AIMP1: variants seen among roughly 807,000 people sequenced by gnomAD.
The protein encoded by AIMP1 is aminoacyl tRNA synthase complex-interacting multifunctional protein 1.
In AIMP1, 24 loss-of-function variants were observed where a neutral mutation model predicts 33.1. The ratio of observed to expected loss-of-function variants is 0.73; its 90% CI spans 0.53 to 1.02. The LOEUF (loss-of-function observed/expected upper bound fraction) is 1.02, where lower values mean the gene tolerates loss of function less well. Ranked by LOEUF, AIMP1 falls within the 50% of genes least tolerant of loss-of-function variation. AIMP1 has a pLI of 0.00. For missense variants in AIMP1, 367 were observed against 364.8 expected, an observed-to-expected ratio of 1.01 and a Z score of -0.05; for synonymous variants, 120 against 121.5, an observed-to-expected ratio of 0.99 and a Z score of 0.08.
rs3109956 is a variant in AIMP1, at chr4:106,331,906, C to T, written c.603+23C>T. The T allele has an allele frequency of 0.029, 46,964 of 1,600,134 alleles. 3,643 individuals carry two copies. The highest frequency in any genetic ancestry group is 0.26 in the East Asian group (11,734 of 44,796). On this transcript the variant is annotated intron_variant, in intron 5 of 6. Transcript: ENST00000672341. ...CAGGTAATCTGTACAACTGAAATTCCTGTTGTGTACATACAACATTTTCAT... is the reference window on the plus strand; with the variant it reads ...CAGGTAATCTGTACAACTGAAATTCTTGTTGTGTACATACAACATTTTCAT...
intron 1 of AIMP1, among the ~76,000 whole-genome samples, chr4:106,318,422 T>G (rs953147365): frequency 6.6e-6 from 1 of 152,208 alleles, no homozygotes; most frequent in Non-Finnish European, 1.5e-5. Flanking sequence ...TTATGTATAC[T>G]ATAATATTTT....
intron 1 of AIMP1, chr4:106,321,478 C>G (rs1194035324): frequency 1.9e-5 from 3 of 155,590 alleles, no homozygotes; most frequent in Admixed American, 6.6e-5. Flanking sequence ...ACCGGCTGCC[C>G]GGTCTGAGAA....
upstream of AIMP1, chr4:106,316,490 C>G: frequency 6.6e-7 from 1 of 1,508,008 alleles, no homozygotes; most frequent in South Asian, 1.2e-5. Context: ...AGGCTTTCAG[C>G]AAGGACACCT....
intron 6 of AIMP1, among the ~76,000 whole-genome samples, chr4:106,343,700 C>G (rs916822563): frequency 1.6e-4 from 24 of 152,240 alleles, no homozygotes; most frequent in African/African-American, 5.5e-4. Flanking sequence ...ATGCTCACCA[C>G]TCTACTCCCA....
intron 1 of AIMP1, 93 bp downstream of exon 1, chr4:106,316,687 C>G: frequency 1.6e-6 from 2 of 1,249,336 alleles, no homozygotes; most frequent in Admixed American, 2.1e-5. Flanking sequence ...GAGAGAGGAC[C>G]TGGCCTGCGC....
At position 106,329,198 on chromosome 4, in the gene AIMP1, A is replaced by C. The variant is rs115440991; in HGVS notation, c.391+955A>C. Among the ~76,000 whole-genome samples, 1,287 of 152,332 alleles carry C rather than the reference A, an allele frequency of 8.4e-3. 6 individuals carry two copies. The highest frequency in any genetic ancestry group is 0.013 in the Non-Finnish European group (873 of 68,024). On this transcript the variant is annotated intron_variant, in intron 4 of 6. Transcript: ENST00000672341. ...AGGGGCTGTACAGCCTCTGCTATAC[A>C]ACTTCACCACTAGGTGGTATGATTA...
intron 6 of AIMP1, among the ~76,000 whole-genome samples, chr4:106,343,109 A>T (rs1000281122): frequency 6.6e-6 from 1 of 152,014 alleles, no homozygotes; most frequent in African/African-American, 2.4e-5. Context: ...GTTCAGTTTG[A>T]GAACTCGTTA....
At chr4:106,322,851 G>T (rs1317494943) in intron 1 of AIMP1, among the ~76,000 whole-genome samples, 1 of 151,986 alleles carries the variant, frequency 6.6e-6, no homozygotes, top group Non-Finnish European at 1.5e-5. Flanking sequence ...TAGTCAGGTG[G>T]CAGGCACCTG....
At position 106,330,850 on chromosome 4, in the gene AIMP1, G is replaced by T. The variant is rs1439863703; in HGVS notation, c.392-822G>T. On this transcript the variant is annotated intron_variant, in intron 4 of 6. Coordinates refer to ENST00000672341, the MANE Select transcript of AIMP1 (RefSeq NM_001142416.2). ...TTTATTTTGATTTTACTTTTTTGGGGCCAGAAAAGCTAATTGTAAACTTAA... is the reference window on the plus strand; with the variant it reads ...TTTATTTTGATTTTACTTTTTTGGGTCCAGAAAAGCTAATTGTAAACTTAA... 7.2e-5 allele frequency among the ~76,000 whole-genome samples: 11 copies of T among 151,984 alleles called. No homozygotes were observed. The East Asian group carries it at 2.1e-3, about 29-fold the overall frequency.
At chr4:106,329,248 C>G (rs775156358) in intron 4 of AIMP1, among the ~76,000 whole-genome samples, 39 of 152,302 alleles carry the variant, frequency 2.6e-4, no homozygotes, top group African/African-American at 7.9e-4. Context: ...CAGACTAACT[C>G]TTCTAGTTTA....
At chr4:106,337,149 A>C (rs1269741080) in intron 6 of AIMP1, 112 bp downstream of exon 6, 1 of 977,204 alleles carries the variant, frequency 1.0e-6, no homozygotes, top group African/African-American at 1.6e-5. Flanking sequence ...GTCTTACATT[A>C]ATGACCATTA....
chr4:106,321,132 A>G (rs1025238253), intron 1 of AIMP1: 22 of 174,830 alleles, frequency 1.3e-4, no homozygotes, highest in Non-Finnish European at 2.3e-4. Flanking sequence ...TTGGCCTCCC[A>G]AAGTGCCGAG....
chr4:106,348,040 A>C lies in AIMP1; in HGVS notation c.*348A>C, dbSNP rs1444193643. 1.6e-5 allele frequency: 3 copies of C among 185,766 alleles called. No homozygotes were observed. Among genetic ancestry groups the C allele is most frequent in the Non-Finnish European group, 3.4e-5 (3 of 88,808 alleles). 11.5% of individuals were successfully genotyped at this position (185,766 alleles called of 1,614,324 possible). The stretch of plus-strand genomic sequence containing the variant: ...TAGGCACAGGATGCATGAAATTTCA[A>C]GCTCTGGGATTTTTTGTATATTGTG... On this transcript the variant is annotated 3_prime_UTR_variant, in exon 7 of 7. Transcript: ENST00000672341.
rs3737495 is a variant in AIMP1 at position 106,337,071 on chromosome 4, G to A, written c.772+34G>A. On this transcript the variant is annotated intron_variant, in intron 6 of 6. Coordinates refer to ENST00000672341, the MANE Select transcript of AIMP1 (RefSeq NM_001142416.2). ...TTATTAGTAATTACTTAATAGTTTCGGAATCAGTTCTCAAAGTGATGTTTG... is the reference window on the plus strand; with the variant it reads ...TTATTAGTAATTACTTAATAGTTTCAGAATCAGTTCTCAAAGTGATGTTTG... 222,287 of 1,582,634 alleles carry A rather than the reference G, an allele frequency of 0.14. 16,466 individuals are homozygous for A. Among genetic ancestry groups the A allele is most frequent in the Non-Finnish European group, 0.15 (178,034 of 1,152,102 alleles).
At chr4:106,338,306 A>G (rs764806778) in intron 6 of AIMP1, among the ~76,000 whole-genome samples, 62 of 152,352 alleles carry the variant, frequency 4.1e-4, no homozygotes, top group Non-Finnish European at 6.6e-4. Flanking sequence ...GGCATTTCAA[A>G]GACCTTCACA....
At chr4:106,325,298 G>A (rs1769416885) in intron 2 of AIMP1, among the ~76,000 whole-genome samples, 180 bp downstream of exon 2, 1 of 151,934 alleles carries the variant, frequency 6.6e-6, no homozygotes, top group African/African-American at 2.4e-5. Context: ...GGTTTTGTTT[G>A]TTTAAATGTA....
intron 5 of AIMP1, among the ~76,000 whole-genome samples, chr4:106,334,566 A>G (rs146368908): frequency 5.9e-5 from 9 of 152,270 alleles, no homozygotes; most frequent in African/African-American, 2.2e-4. Flanking sequence ...CACACAAGCA[A>G]CAAACATATT....
chr4:106,337,472 A>G (rs1276108182), intron 6 of AIMP1, among the ~76,000 whole-genome samples: 1 of 152,144 alleles, frequency 6.6e-6, no homozygotes, highest in Non-Finnish European at 1.5e-5. Context: ...GTCTGCTACT[A>G]TATAAGACAT....
At chr4:106,339,998 C>T (rs1770034353) in intron 6 of AIMP1, among the ~76,000 whole-genome samples, 1 of 152,024 alleles carries the variant, frequency 6.6e-6, no homozygotes, top group African/African-American at 2.4e-5. Context: ...TCAAATAGGT[C>T]TTTGAAGCAG....
Sources: allele counts gnomAD v4.1 joint callset (sites outside exome capture counted in the v4.1 genomes callset), GRCh38; gene constraint gnomAD v4.1.1; transcripts MANE v1.5; gene names NCBI Gene and HGNC (gene_info 2026-07-23, HGNC 2026-07-21).